CSMD2: variants seen among roughly 807,000 people sequenced by gnomAD.
CSMD2 encodes CUB and Sushi multiple domains 2.
CSMD2 carries 130 observed loss-of-function variants against 398.5 expected under a neutral mutation model. That is an observed-to-expected ratio of 0.33 (90% CI 0.28 to 0.38). The LOEUF is 0.38. CSMD2 is among the 10% of genes least tolerant of loss of function. The pLI, the probability that CSMD2 is intolerant of heterozygous loss-of-function variation, is 1.00. For missense variants in CSMD2, 3,829 were observed against 4,764.9 expected (o/e 0.80, Z 5.78); for synonymous variants, 1,828 against 1,908.5 (o/e 0.96, Z 1.10).
At chr1:34,019,319 G>C (rs1648566334) in intron 3 of CSMD2, among the ~76,000 whole-genome samples, 1 of 152,176 alleles carries the variant, frequency 6.6e-6, no homozygotes, top group Admixed American at 6.5e-5. Context: ...CACAACTGGA[G>C]ACCCCAGCAC....
intron 5 of CSMD2, among the ~76,000 whole-genome samples, chr1:33,912,429 C>T (rs1643501948): frequency 6.7e-6 from 1 of 149,962 alleles, no homozygotes; most frequent in Admixed American, 6.7e-5. Flanking sequence ...ACACACACTC[C>T]TGAGGCTGGC....
In CSMD2 at chr1:34,000,241, G is replaced by A. The variant is rs544343814; in HGVS notation, c.517+32353C>T. 5.1e-4 allele frequency among the ~76,000 whole-genome samples: 77 copies of A among 152,206 alleles called. 1 individual carries two copies. The Middle Eastern group carries it at 0.02, about 40-fold the overall frequency. ...TTTTGATGAAAGTGACAAGATGTGG[G>A]AATGTGGACCAGCCATGGGAGTGTC... On this transcript the variant is annotated intron_variant, in intron 3 of 70. Coordinates refer to ENST00000373381, the MANE Select transcript of CSMD2 (RefSeq NM_001281956.2).
chr1:33,791,004 T>C (rs1654239637), intron 11 of CSMD2, among the ~76,000 whole-genome samples: 1 of 152,342 alleles, frequency 6.6e-6, no homozygotes, highest in Middle Eastern at 3.4e-3. Context: ...ATTCAGTGGG[T>C]ACCATTGGAT....
intron 12 of CSMD2, among the ~76,000 whole-genome samples, chr1:33,783,386 G>A (rs1653044900): frequency 1.3e-5 from 2 of 151,716 alleles, no homozygotes; most frequent in African/African-American, 4.9e-5. Flanking sequence ...CCCGATCTGA[G>A]AGGATGGATG....
chr1:33,772,009 A>G (rs1289692418), intron 13 of CSMD2: 1 of 152,524 alleles, frequency 6.6e-6, no homozygotes, highest in African/African-American at 2.4e-5. Context: ...TGTTATCTCC[A>G]CAGAACAGAG....
chr1:33,707,695 GCA>G (rs200504764), intron 22 of CSMD2, among the ~76,000 whole-genome samples: 9,704 of 91,756 alleles, frequency 0.11, 365 homozygotes, highest in East Asian at 0.15. Flanking sequence ...GCGCGCGCGC[GCA>G]CACACACACA....
chr1:34,062,523 T>G (rs1000955050), intron 2 of CSMD2, among the ~76,000 whole-genome samples: 1 of 151,894 alleles, frequency 6.6e-6, no homozygotes, highest in Admixed American at 6.6e-5. Context: ...AGGAAGGACA[T>G]GGAGGACAGG....
intron 2 of CSMD2, among the ~76,000 whole-genome samples, chr1:34,070,076 T>C (rs189277681): frequency 1.8e-4 from 27 of 152,282 alleles, no homozygotes; most frequent in Admixed American, 1.7e-3. Context: ...TCCGGCACTA[T>C]CTAATTAAAG....
chr1:34,065,245 C>G (rs187628551), intron 2 of CSMD2, among the ~76,000 whole-genome samples: 380 of 152,300 alleles, frequency 2.5e-3, no homozygotes, highest in Non-Finnish European at 3.1e-3. Flanking sequence ...ATGTCCAGCT[C>G]TGCCTTTGGG....
rs59062675 is a variant in CSMD2 at position 34,134,052 on chromosome 1, C to CAAAAAAAAAA, written c.187+30849_187+30858dup. On this transcript the variant is annotated intron_variant, in intron 1 of 70. Coordinates refer to ENST00000373381, the MANE Select transcript of CSMD2 (RefSeq NM_001281956.2). ...TGGGTGACAGAGTGAGACTCTGTCT[C>CAAAAAAAAAA]AAAAAAAAAAAAAAAAAAAAAAAAA... Among the ~76,000 whole-genome samples the CAAAAAAAAAA allele has an allele frequency of 9.4e-5, 8 of 85,226 alleles. No individual in the cohort carries two copies. The East Asian group carries it at 1.2e-3, about 13-fold the overall frequency. 55.9% of individuals were successfully genotyped at this position (85,226 alleles called of 152,430 possible).
intron 42 of CSMD2, among the ~76,000 whole-genome samples, chr1:33,604,017 T>C (rs1313370586): frequency 6.6e-6 from 1 of 152,196 alleles, no homozygotes; most frequent in African/African-American, 2.4e-5. Context: ...ATGTGTGCTA[T>C]ATTAAGGGGC....
At chr1:33,832,027 C>T (rs1373381027) in intron 6 of CSMD2, among the ~76,000 whole-genome samples, 1 of 151,512 alleles carries the variant, frequency 6.6e-6, no homozygotes, top group Non-Finnish European at 1.5e-5. Context: ...CCTGAGTGAC[C>T]TACAAAGAGA....
chr1:33,603,287 G>A (rs1351990426), intron 42 of CSMD2, among the ~76,000 whole-genome samples: 1 of 152,126 alleles, frequency 6.6e-6, no homozygotes, highest in African/African-American at 2.4e-5. Flanking sequence ...TAGTCTCACT[G>A]ATTTAGGCCT....
chr1:33,788,576 A>T (rs374253223), intron 12 of CSMD2, 24 bp downstream of exon 12: 91 of 1,336,274 alleles, frequency 6.8e-5, no homozygotes, highest in Non-Finnish European at 8.7e-5. Context: ...GACACAGTTC[A>T]TCTGGCTTGC....
intron 3 of CSMD2, among the ~76,000 whole-genome samples, chr1:34,009,681 C>CGCTTAACTCCTAAATCCATCA (rs1553279340): frequency 3.9e-5 from 6 of 152,044 alleles, no homozygotes; most frequent in Non-Finnish European, 7.4e-5. Flanking sequence ...CATATAGTAG[C>CGCTTAACTCCTAAATCCATCA]GCTTAACTCC....
intron 21 of CSMD2, 38 bp downstream of exon 21, chr1:33,714,549 C>T (rs746096574): frequency 2.5e-6 from 4 of 1,604,254 alleles, no homozygotes; most frequent in Non-Finnish European, 2.6e-6. Flanking sequence ...CTGTCCCACC[C>T]CATTAGTGAA....
At chr1:34,162,381 G>A (rs1305554249) in intron 1 of CSMD2, among the ~76,000 whole-genome samples, 2 of 152,034 alleles carry the variant, frequency 1.3e-5, no homozygotes, top group East Asian at 1.9e-4. Context: ...TCACTGAGCC[G>A]AGGAAGGGAG....
intron 5 of CSMD2, among the ~76,000 whole-genome samples, chr1:33,892,111 T>C (rs535579709): frequency 4.5e-4 from 68 of 151,026 alleles, no homozygotes; most frequent in African/African-American, 1.5e-3. Flanking sequence ...AAATGGAAAT[T>C]TATTTTTTGT....
intron 42 of CSMD2, among the ~76,000 whole-genome samples, chr1:33,604,438 G>A (rs1016925852): frequency 6.6e-6 from 1 of 152,186 alleles, no homozygotes. Flanking sequence ...TGAGCCATCT[G>A]TGAAGTCCTC....
Sources: gnomAD v4.1 joint callset for allele counts (sites outside exome capture counted in the v4.1 genomes callset) on GRCh38, gnomAD v4.1.1 for gene constraint, MANE v1.5 for transcripts, NCBI Gene and HGNC (gene_info 2026-07-23, HGNC 2026-07-21) for gene names.